PTPRT: variants seen among roughly 807,000 people sequenced by gnomAD.
PTPRT encodes the protein receptor-type tyrosine-protein phosphatase T.
A neutral mutation model predicts 176.8 loss-of-function variants in PTPRT; 56 were observed. The observed-to-expected ratio is 0.32, with a 90% CI of 0.26 to 0.40. The LOEUF is 0.40. Among genes scored for constraint, PTPRT ranks in the 10% least tolerant of loss-of-function variants. The pLI, the probability that PTPRT is intolerant of heterozygous loss-of-function variation, is 1.00. For missense variants in PTPRT, 1,540 were observed against 1,908.2 expected, an observed-to-expected ratio of 0.81 and a Z score of 3.60; for synonymous variants, 783 against 739.0, an observed-to-expected ratio of 1.06 and a Z score of -0.96.
chr20:42,790,321 C>T (rs112556945), intron 3 of PTPRT, among the ~76,000 whole-genome samples: 2 of 151,592 alleles, frequency 1.3e-5, no homozygotes, highest in Non-Finnish European at 2.9e-5. Context: ...CCAATCTGTG[C>T]GCTGTGTGCA....
At chr20:42,614,617 T>A (rs982630661) in intron 7 of PTPRT, among the ~76,000 whole-genome samples, 1 of 152,154 alleles carries the variant, frequency 6.6e-6, no homozygotes, top group Non-Finnish European at 1.5e-5. Context: ...CAGGAAATGA[T>A]CTTACCTCCT....
chr20:42,797,365 C>A (rs1569162450), intron 2 of PTPRT, among the ~76,000 whole-genome samples: 1 of 152,154 alleles, frequency 6.6e-6, no homozygotes, highest in Non-Finnish European at 1.5e-5. Context: ...TACTCAGCAC[C>A]ATCTTTCTGA....
intron 1 of PTPRT, among the ~76,000 whole-genome samples, chr20:43,135,424 T>C (rs1387561271): frequency 1.3e-5 from 2 of 152,158 alleles, no homozygotes; most frequent in Non-Finnish European, 2.9e-5. Flanking sequence ...GTGACCCCGT[T>C]TGGATATAAA....
At chr20:42,908,784 A>AGTCTTTGAATTC (rs1392637934) in intron 1 of PTPRT, among the ~76,000 whole-genome samples, 1 of 152,174 alleles carries the variant, frequency 6.6e-6, no homozygotes, top group Non-Finnish European at 1.5e-5. Flanking sequence ...GTAATCAAAT[A>AGTCTTTGAATTC]GTCTTTGAAT....
intron 1 of PTPRT, among the ~76,000 whole-genome samples, chr20:43,073,439 T>C (rs987307640): frequency 6.6e-6 from 1 of 151,102 alleles, no homozygotes; most frequent in Admixed American, 6.6e-5. Context: ...TGGCAAAATA[T>C]AGCTTACTCT....
chr20:42,478,138 G>C (rs2071323412), intron 7 of PTPRT, among the ~76,000 whole-genome samples: 2 of 152,220 alleles, frequency 1.3e-5, no homozygotes, highest in Non-Finnish European at 2.9e-5. Flanking sequence ...GACAGAACTT[G>C]CACCTGAGGA....
At position 43,149,123 on chromosome 20, in the gene PTPRT, G is replaced by C. The variant is rs1052118260; in HGVS notation, c.88+40523C>G. Among the ~76,000 whole-genome samples, 51 of 152,060 alleles carry C rather than the reference G, an allele frequency of 3.4e-4. 2 individuals carry two copies. Among genetic ancestry groups the C allele is most frequent in the Non-Finnish European group, 2.9e-5 (2 of 68,028 alleles). On this transcript the variant is annotated intron_variant, in intron 1 of 30. Transcript: ENST00000373187. The stretch of plus-strand genomic sequence containing the variant: ...TACAAATAATACACATATTTGATTT[G>C]TGCAATTATAGAATAGTATATAATT...
chr20:42,519,084 C>A (rs2072122150), intron 7 of PTPRT, among the ~76,000 whole-genome samples: 1 of 152,094 alleles, frequency 6.6e-6, no homozygotes, highest in African/African-American at 2.4e-5. Flanking sequence ...TCTCCAGCAC[C>A]AGAAGGCTCC....
At chr20:42,755,270 G>A (rs1214566811) in intron 6 of PTPRT, among the ~76,000 whole-genome samples, 1 of 152,090 alleles carries the variant, frequency 6.6e-6, no homozygotes, top group African/African-American at 2.4e-5. Context: ...AGTCCAGTTG[G>A]CCCAAGGATC....
At chr20:42,209,136 C>T (rs903597830) in intron 15 of PTPRT, among the ~76,000 whole-genome samples, 1 of 152,178 alleles carries the variant, frequency 6.6e-6, no homozygotes, top group Non-Finnish European at 1.5e-5. Context: ...CTCTGGGACA[C>T]ATTTAAAGCA....
chr20:42,073,890 T>C lies in PTPRT; in HGVS notation c.*6989A>G. The C allele has an allele frequency of 8.7e-6, 2 of 229,474 alleles. No individual in the cohort carries two copies. Among genetic ancestry groups the C allele is most frequent in the Non-Finnish European group, 1.7e-5 (2 of 115,650 alleles). The allele number at this position is 229,474 out of a possible 1,614,324, so 14.2% of individuals were successfully genotyped here. On this transcript the variant is annotated 3_prime_UTR_variant, in exon 31 of 31. Coordinates refer to ENST00000373187, the MANE Select transcript of PTPRT (RefSeq NM_007050.6). ...AAATCCATTTCACCAATGCTTCTCTTCCCTTTAAAGAGACACCTGCCTTCT... is the reference window on the plus strand; with the variant it reads ...AAATCCATTTCACCAATGCTTCTCTCCCCTTTAAAGAGACACCTGCCTTCT...
intron 9 of PTPRT, among the ~76,000 whole-genome samples, chr20:42,384,235 C>G (rs2058722196): frequency 6.6e-6 from 1 of 152,246 alleles, no homozygotes; most frequent in Non-Finnish European, 1.5e-5. Context: ...TAGTAATTCA[C>G]TCTTCTGTGA....
intron 11 of PTPRT, among the ~76,000 whole-genome samples, chr20:42,341,446 T>G (rs888257049): frequency 3.3e-5 from 5 of 152,170 alleles, no homozygotes; most frequent in African/African-American, 1.2e-4. Context: ...TAAACGATTC[T>G]TCCTTTGAAT....
At chr20:42,965,483 G>A (rs966099279) in intron 1 of PTPRT, among the ~76,000 whole-genome samples, 1 of 152,192 alleles carries the variant, frequency 6.6e-6, no homozygotes, top group Non-Finnish European at 1.5e-5. Flanking sequence ...TACATATAGT[G>A]TATATAGTTG....
intron 1 of PTPRT, among the ~76,000 whole-genome samples, chr20:42,997,838 C>A (rs1286167513): frequency 1.3e-5 from 2 of 152,190 alleles, no homozygotes; most frequent in Non-Finnish European, 1.5e-5. Flanking sequence ...AATCCGAGGC[C>A]TCCAGTCTCA....
chr20:42,828,937 C>T (rs569842858), intron 2 of PTPRT, among the ~76,000 whole-genome samples: 1 of 152,232 alleles, frequency 6.6e-6, no homozygotes, highest in Admixed American at 6.5e-5. Flanking sequence ...TGGGGCACTA[C>T]CTAGTGGAGC....
intron 2 of PTPRT, among the ~76,000 whole-genome samples, chr20:42,847,083 A>C (rs1314629362): frequency 6.6e-6 from 1 of 152,216 alleles, no homozygotes; most frequent in African/African-American, 2.4e-5. Context: ...TGCCTAGAGA[A>C]TCAATCAGGG....
At chr20:42,414,194 A>G (rs777247630) in intron 9 of PTPRT, among the ~76,000 whole-genome samples, 13 of 152,230 alleles carry the variant, frequency 8.5e-5, no homozygotes, top group Admixed American at 2.0e-4. Flanking sequence ...ATGGATGAAT[A>G]TCAGTAGATA....
the PTPRT span, among the ~76,000 whole-genome samples, chr20:42,042,395 C>T: frequency 7.9e-5 from 12 of 152,220 alleles, no homozygotes; most frequent in African/African-American, 2.9e-4. Flanking sequence ...TTTTGCCAGT[C>T]ACCTGTCCCT....
Sources: allele counts gnomAD v4.1 joint callset (sites outside exome capture counted in the v4.1 genomes callset), GRCh38; gene constraint gnomAD v4.1.1; transcripts MANE v1.5; gene names NCBI Gene and HGNC (gene_info 2026-07-23, HGNC 2026-07-21).